PAX5: variants seen among roughly 807,000 people sequenced by gnomAD.
The protein encoded by PAX5 is paired box 5, also known as paired box protein Pax-5.
In PAX5, 9 loss-of-function variants were observed where a neutral mutation model predicts 43.7. That is an observed-to-expected ratio of 0.21 (90% CI 0.12 to 0.36). The LOEUF (loss-of-function observed/expected upper bound fraction) is 0.36. Ranked by LOEUF, PAX5 falls within the 10% of genes least tolerant of loss-of-function variation. The probability of loss-of-function intolerance (pLI) is 1.00; values close to 1 mark genes in which losing one functional copy is unlikely to be tolerated. For missense variants in PAX5, 383 were observed against 532.7 expected (o/e 0.72, Z 2.77); for synonymous variants, 228 against 214.3 (o/e 1.06, Z -0.56).
At chr9:37,026,353 G>C (rs898198415) in intron 1 of PAX5, among the ~76,000 whole-genome samples, 1 of 152,400 alleles carries the variant, frequency 6.6e-6, no homozygotes, top group Non-Finnish European at 1.5e-5. Flanking sequence ...AGGTGCCTCA[G>C]CCCGGGCGGC....
intron 5 of PAX5, among the ~76,000 whole-genome samples, chr9:36,973,718 A>T (rs925059252): frequency 1.3e-5 from 2 of 152,122 alleles, no homozygotes; most frequent in African/African-American, 2.4e-5. Context: ...AAAAAAATTT[A>T]AAAATGGCTG....
chr9:36,901,023 C>T (rs1323033695), intron 7 of PAX5, among the ~76,000 whole-genome samples: 3 of 152,180 alleles, frequency 2.0e-5, no homozygotes, highest in African/African-American at 4.8e-5. Flanking sequence ...CCCCTTTCCA[C>T]AGCCTGGGTT....
chr9:36,861,919 G>C (rs1824256780), intron 8 of PAX5, among the ~76,000 whole-genome samples: 1 of 152,194 alleles, frequency 6.6e-6, no homozygotes, highest in African/African-American at 2.4e-5. Context: ...GAAAGAGGCT[G>C]TTGCAAGGAT....
chr9:36,879,558 G>GGGGAGTGCT (rs954619323), intron 8 of PAX5, among the ~76,000 whole-genome samples: 7 of 152,276 alleles, frequency 4.6e-5, no homozygotes, highest in African/African-American at 1.7e-4. Context: ...CCCTGGGTGT[G>GGGGAGTGCT]GGGAGTGCTG....
rs142901872 is a variant in PAX5 at position 37,022,594 on chromosome 9, C to A, written c.47-1793G>T. On this transcript the variant is annotated intron_variant, in intron 1 of 9. Transcript: ENST00000358127. ...TATGGTCCATCTGCAATAGCCTGTT[C>A]TCTATGTCACTGACAATTGAGACTT... Among the ~76,000 whole-genome samples, 9 of 152,334 alleles carry A rather than the reference C, an allele frequency of 5.9e-5. No individual in the cohort carries two copies. In the East Asian group the frequency reaches 1.7e-3, roughly 29 times the overall value.
intron 8 of PAX5, among the ~76,000 whole-genome samples, chr9:36,850,472 T>TG (rs1213749185): frequency 6.6e-6 from 1 of 152,222 alleles, no homozygotes; most frequent in Non-Finnish European, 1.5e-5. Flanking sequence ...TGTCTTTTGT[T>TG]GCGGCCTCCG....
At chr9:36,938,344 C>T (rs144864667) in intron 6 of PAX5, among the ~76,000 whole-genome samples, 1 of 152,156 alleles carries the variant, frequency 6.6e-6, no homozygotes, top group East Asian at 1.9e-4. Context: ...AACAAACACA[C>T]GTCTAAAGGC....
At position 36,933,990 on chromosome 9, in the gene PAX5, A is replaced by T. The variant is rs976037343; in HGVS notation, c.781-10506T>A. 9.9e-5 allele frequency among the ~76,000 whole-genome samples: 15 copies of T among 152,094 alleles called. No homozygotes were observed. The South Asian group carries it at 1.5e-3, about 15-fold the overall frequency. On this transcript the variant is annotated intron_variant, in intron 6 of 9. Coordinates refer to ENST00000358127, the MANE Select transcript of PAX5 (RefSeq NM_016734.3). Reference sequence around the variant, plus strand: ...ACTGTGTGGAATGGGGTTCTCCTTGATATGGCCCCAGGAAGGGCTTAGGTT... The same window carrying T: ...ACTGTGTGGAATGGGGTTCTCCTTGTTATGGCCCCAGGAAGGGCTTAGGTT...
chr9:37,003,377 GACAATA>G (rs1267300522), intron 4 of PAX5, among the ~76,000 whole-genome samples: 1 of 151,954 alleles, frequency 6.6e-6, no homozygotes, highest in African/African-American at 2.4e-5. Flanking sequence ...TATTAATTAT[GACAATA>G]ACAATAACTA....
intron 3 of PAX5, among the ~76,000 whole-genome samples, chr9:37,008,344 G>A (rs564090681): frequency 7.2e-5 from 11 of 152,286 alleles, no homozygotes; most frequent in South Asian, 2.1e-4. Flanking sequence ...GTGAGCCACC[G>A]CACTCAGCCT....
chr9:36,836,145 A>G lies in PAX5; in HGVS notation c.*4415T>C. ...CCTCAGTGCCCTGTGGCCACATCTGAGTCTCTTCCCTGCACATGTGAAAGG... is the reference window on the plus strand; with the variant it reads ...CCTCAGTGCCCTGTGGCCACATCTGGGTCTCTTCCCTGCACATGTGAAAGG... On this transcript the variant is annotated 3_prime_UTR_variant, in exon 10 of 10. Coordinates refer to ENST00000358127, the MANE Select transcript of PAX5 (RefSeq NM_016734.3). The G allele has an allele frequency of 4.3e-6, 1 of 233,364 alleles. No individual in the cohort carries two copies. The highest frequency in any genetic ancestry group is 8.5e-6 in the Non-Finnish European group (1 of 118,154). The allele number at this position is 233,364 out of a possible 1,614,324, so 14.5% of individuals were successfully genotyped here.
intron 5 of PAX5, among the ~76,000 whole-genome samples, chr9:36,984,433 C>CTATTTTTT (rs1836210892): frequency 2.1e-5 from 1 of 48,070 alleles, no homozygotes; most frequent in African/African-American, 8.4e-5. Context: ...TATTGAACCT[C>CTATTTTTT]TCTTTTTTTT....
chr9:36,903,556 G>A (rs1828574239), intron 7 of PAX5, among the ~76,000 whole-genome samples: 1 of 152,214 alleles, frequency 6.6e-6, no homozygotes, highest in African/African-American at 2.4e-5. Context: ...GAGGCTGCTG[G>A]GGCATGTCCA....
chr9:36,845,130 G>A (rs1204328608), intron 9 of PAX5, among the ~76,000 whole-genome samples: 1 of 152,152 alleles, frequency 6.6e-6, no homozygotes, highest in African/African-American at 2.4e-5. Flanking sequence ...GGCCTCCTTG[G>A]GGTCACCTCT....
At chr9:37,008,016 A>T (rs949261568) in intron 3 of PAX5, 23 of 152,174 alleles carry the variant, frequency 1.5e-4, no homozygotes, top group Non-Finnish European at 2.8e-4. Flanking sequence ...AGTATCTAGG[A>T]TTACAGGCAT....
rs115171021 is a variant in PAX5 at position 36,989,108 on chromosome 9, G to A, written c.604+13540C>T. ...GTGACAGGGAAGTGTGCGCAGCAGT[G>A]TTAGGAAAGCTTCAGAAATGGCGTA... On this transcript the variant is annotated intron_variant, in intron 5 of 9. Coordinates refer to ENST00000358127, the MANE Select transcript of PAX5 (RefSeq NM_016734.3). Among the ~76,000 whole-genome samples, 1,023 of 152,344 alleles carry A rather than the reference G, an allele frequency of 6.7e-3. 9 individuals carry two copies. The highest frequency in any genetic ancestry group is 0.024 in the African/African-American group (1,003 of 41,586).
At chr9:36,956,737 C>T (rs1833515198) in intron 6 of PAX5, among the ~76,000 whole-genome samples, 1 of 152,124 alleles carries the variant, frequency 6.6e-6, no homozygotes, top group Admixed American at 6.5e-5. Context: ...ATATTCTTGG[C>T]AGCAAATCAA....
intron 5 of PAX5, among the ~76,000 whole-genome samples, chr9:36,989,096 G>A (rs896396837): frequency 6.6e-6 from 1 of 152,222 alleles, no homozygotes; most frequent in East Asian, 1.9e-4. Context: ...ACAGGGAAGT[G>A]TGCGCAGCAG....
intron 1 of PAX5, among the ~76,000 whole-genome samples, chr9:37,026,060 T>C (rs1840325945): frequency 6.6e-6 from 1 of 152,122 alleles, no homozygotes; most frequent in Non-Finnish European, 1.5e-5. Flanking sequence ...CTCAACCTCT[T>C]CCTCCACACA....
Sources: allele counts gnomAD v4.1 joint callset (sites outside exome capture counted in the v4.1 genomes callset), GRCh38; gene constraint gnomAD v4.1.1; transcripts MANE v1.5; gene names NCBI Gene and HGNC (gene_info 2026-07-23, HGNC 2026-07-21).